PPP2R2B: variants seen among roughly 807,000 people sequenced by gnomAD.
PPP2R2B encodes serine/threonine-protein phosphatase 2A 55 kDa regulatory subunit B beta isoform.
PPP2R2B carries 5 observed loss-of-function variants against 46.0 expected under a neutral mutation model. That is an observed-to-expected ratio of 0.11 (90% CI 0.06 to 0.23). The LOEUF is 0.23. Ranked by LOEUF, PPP2R2B falls within the 10% of genes least tolerant of loss-of-function variation. PPP2R2B has a pLI of 1.00. For synonymous variants in PPP2R2B, 215 were observed against 206.7 expected, an observed-to-expected ratio of 1.04 and a Z score of -0.34; for missense variants, 367 against 575.0, an observed-to-expected ratio of 0.64 and a Z score of 3.70.
chr5:146,745,364 A>T (rs1753126263), intron 2 of PPP2R2B, among the ~76,000 whole-genome samples: 1 of 152,050 alleles, frequency 6.6e-6, no homozygotes, highest in Non-Finnish European at 1.5e-5. Context: ...AGATTTTGAG[A>T]TTTTTGGCCA....
chr5:146,635,497 C>T (rs1774755286), intron 7 of PPP2R2B, among the ~76,000 whole-genome samples: 1 of 152,174 alleles, frequency 6.6e-6, no homozygotes, highest in East Asian at 1.9e-4. Context: ...TCCCCAATAT[C>T]CAGAATGCAT....
At chr5:146,644,520 T>C (rs1775450762) in intron 6 of PPP2R2B, among the ~76,000 whole-genome samples, 1 of 152,204 alleles carries the variant, frequency 6.6e-6, no homozygotes, top group African/African-American at 2.4e-5. Flanking sequence ...TTTCCCTGGC[T>C]TAAAATCATC....
chr5:146,804,656 C>T lies in PPP2R2B; in HGVS notation c.70+73346G>A, dbSNP rs189566445. On this transcript the variant is annotated intron_variant, in intron 2 of 9. Coordinates refer to ENST00000394411, the MANE Select transcript of PPP2R2B (RefSeq NM_181675.4). ...AAGCAATGAGGAGTCCCTTAGAAAG[C>T]TTAAACTGAAGTGAGGATGGAGACT... is the stretch of plus-strand genomic sequence containing the variant. Among the ~76,000 whole-genome samples, 81 of 152,162 alleles carry T rather than the reference C, an allele frequency of 5.3e-4. No homozygotes were observed. In the East Asian group the frequency reaches 7.3e-3, roughly 14 times the overall value.
chr5:146,873,756 A>G (rs1341799104), intron 2 of PPP2R2B, among the ~76,000 whole-genome samples: 4 of 152,150 alleles, frequency 2.6e-5, no homozygotes, highest in Non-Finnish European at 4.4e-5. Context: ...GATTACAGGC[A>G]TACACCACCA....
intron 6 of PPP2R2B, among the ~76,000 whole-genome samples, chr5:146,648,532 C>T (rs2151091478): frequency 6.6e-6 from 1 of 152,218 alleles, no homozygotes. Context: ...TTCTGTATGT[C>T]AGAGTGTTCC....
At chr5:147,069,785 G>GTTTTTTTTTTTTTCTTT (rs1757523684) in intron 2 of PPP2R2B, among the ~76,000 whole-genome samples, 1 of 64,786 alleles carries the variant, frequency 1.5e-5, no homozygotes, top group Non-Finnish European at 2.5e-5. Context: ...ATTTTATACT[G>GTTTTTTTTTTTTTCTTT]TTTTTTTTTT....
At chr5:147,035,132 A>C (rs951439209) in intron 1 of PPP2R2B, 2 of 455,738 alleles carry the variant, frequency 4.4e-6, no homozygotes, top group African/African-American at 4.0e-5. Flanking sequence ...ACTGCCTGAG[A>C]CTGGGTAAAT....
Position 146,829,074 on chromosome 5 carries a change from A to G in PPP2R2B, c.70+48928T>C, listed in dbSNP as rs530572918. On this transcript the variant is annotated intron_variant, in intron 2 of 9. Coordinates refer to ENST00000394411, the MANE Select transcript of PPP2R2B (RefSeq NM_181675.4). ...AAAAATTTTTTAAAAAAACCTGCTTAATGTGATTTAGAGTGATTATGGCTT... is the reference window on the plus strand; with the variant it reads ...AAAAATTTTTTAAAAAAACCTGCTTGATGTGATTTAGAGTGATTATGGCTT... Among the ~76,000 whole-genome samples the G allele has an allele frequency of 1.2e-3, 182 of 152,324 alleles. 1 individual carries two copies. The highest frequency in any genetic ancestry group is 4.2e-3 in the African/African-American group (176 of 41,586).
chr5:147,060,827 G>A (rs962683281), upstream of PPP2R2B, among the ~76,000 whole-genome samples: 9 of 152,136 alleles, frequency 5.9e-5, no homozygotes, highest in Non-Finnish European at 1.3e-4. Context: ...CAGACCCTAA[G>A]TTGCAAGAAG....
intron 2 of PPP2R2B, among the ~76,000 whole-genome samples, chr5:146,849,042 T>C (rs1436620189): frequency 3.3e-5 from 5 of 152,172 alleles, no homozygotes; most frequent in Non-Finnish European, 7.3e-5. Flanking sequence ...TTTCCTTTTT[T>C]TTCAGTACTT....
rs186852757 is a variant in PPP2R2B, at chr5:146,847,109, G to A, written c.70+30893C>T. Reference sequence around the variant, plus strand: ...AGCTACTACCATCATCTAGGCCACCGTAATCTCTCAACTGATCTGTATGAC... The same window carrying A: ...AGCTACTACCATCATCTAGGCCACCATAATCTCTCAACTGATCTGTATGAC... On this transcript the variant is annotated intron_variant, in intron 2 of 9. Transcript: ENST00000394411. Among the ~76,000 whole-genome samples the A allele has an allele frequency of 2.8e-4, 43 of 152,214 alleles. 1 individual carries two copies. The highest frequency in any genetic ancestry group is 2.6e-4 in the Non-Finnish European group (18 of 68,018).
intron 1 of PPP2R2B, among the ~76,000 whole-genome samples, chr5:146,912,714 G>T (rs1286788550): frequency 6.6e-6 from 1 of 151,568 alleles, no homozygotes; most frequent in Non-Finnish European, 1.5e-5. Flanking sequence ...TCACAATATT[G>T]GTCAGGCTGG....
chr5:146,842,657 G>A (rs1296245373), intron 2 of PPP2R2B, among the ~76,000 whole-genome samples: 1 of 151,676 alleles, frequency 6.6e-6, no homozygotes, highest in Non-Finnish European at 1.5e-5. Flanking sequence ...TCCTCCTCTG[G>A]TAGGCCCCAG....
At chr5:146,662,008 C>T (rs1199035261) in intron 5 of PPP2R2B, among the ~76,000 whole-genome samples, 1 of 152,126 alleles carries the variant, frequency 6.6e-6, no homozygotes, top group Non-Finnish European at 1.5e-5. Context: ...GGATTAAGCA[C>T]AAAAATTGTT....
intron 1 of PPP2R2B, among the ~76,000 whole-genome samples, chr5:146,907,026 C>G (rs1763023119): frequency 1.3e-5 from 2 of 152,006 alleles, no homozygotes; most frequent in Non-Finnish European, 2.9e-5. Flanking sequence ...AAAGGGAAGA[C>G]CAGGAAAGGC....
At chr5:146,809,406 C>T (rs1199204374) in intron 2 of PPP2R2B, among the ~76,000 whole-genome samples, 1 of 151,718 alleles carries the variant, frequency 6.6e-6, no homozygotes, top group Admixed American at 6.6e-5. Flanking sequence ...AAAGAGCAGC[C>T]AACCCAATGA....
At chr5:146,708,490 A>G (rs1425701837) in intron 2 of PPP2R2B, among the ~76,000 whole-genome samples, 1 of 152,126 alleles carries the variant, frequency 6.6e-6, no homozygotes, top group Non-Finnish European at 1.5e-5. Flanking sequence ...ACAAATGCAT[A>G]GAGATATGTA....
At chr5:146,624,305 C>T (rs1455723758) in intron 7 of PPP2R2B, among the ~76,000 whole-genome samples, 1 of 152,094 alleles carries the variant, frequency 6.6e-6, no homozygotes, top group Non-Finnish European at 1.5e-5. Flanking sequence ...TGTAAATTTC[C>T]CCTGCAAACT....
intron 5 of PPP2R2B, among the ~76,000 whole-genome samples, chr5:146,652,561 T>C (rs2151096573): frequency 6.6e-6 from 1 of 152,170 alleles, no homozygotes. Context: ...ATGTATGTAT[T>C]GGAATGTGAA....
Sources: gnomAD v4.1 joint callset for allele counts (sites outside exome capture counted in the v4.1 genomes callset) on GRCh38, gnomAD v4.1.1 for gene constraint, MANE v1.5 for transcripts, NCBI Gene and HGNC (gene_info 2026-07-23, HGNC 2026-07-21) for gene names.